DST: variants seen among roughly 807,000 people sequenced by gnomAD.
DST encodes dystonin.
In DST, 253 loss-of-function variants were observed where a neutral mutation model predicts 875.2. That is an observed-to-expected ratio of 0.29 (90% confidence interval 0.26 to 0.32). The LOEUF is 0.32. DST is among the 10% of genes least tolerant of loss of function. DST has a pLI of 1.00. For missense variants in DST, 8,287 were observed against 9,111.6 expected (o/e 0.91, Z 3.68); for synonymous variants, 3,124 against 3,197.1 (o/e 0.98, Z 0.77).
rs561915270 is a variant in DST, at chr6:56,706,045, C to T, written c.688-1676G>A. On this transcript the variant is annotated intron_variant, in intron 5 of 103. Coordinates refer to ENST00000680361, the MANE Select transcript of DST (RefSeq NM_001374736.1). ...TGTAAATACGCCATGCTCAGTGGCTCACACCTGTACTTCCAGCACTTTGGG... is the reference window on the plus strand; with the variant it reads ...TGTAAATACGCCATGCTCAGTGGCTTACACCTGTACTTCCAGCACTTTGGG... Among the ~76,000 whole-genome samples, 10 of 152,328 alleles carry T rather than the reference C, an allele frequency of 6.6e-5. No individual in the cohort carries two copies. The East Asian group carries it at 1.9e-3, about 29-fold the overall frequency.
chr6:56,919,480 AT>A (rs1363888113), intron 2 of DST, among the ~76,000 whole-genome samples: 1 of 152,164 alleles, frequency 6.6e-6, no homozygotes, highest in Non-Finnish European at 1.5e-5. Flanking sequence ...TATTGTATTC[AT>A]TTTTTAATTT....
chr6:56,761,833 C>T (rs2099617936), intron 4 of DST, among the ~76,000 whole-genome samples: 1 of 152,190 alleles, frequency 6.6e-6, no homozygotes, highest in African/African-American at 2.4e-5. Flanking sequence ...ATCACAATCA[C>T]TTTTTACCAA....
At position 56,609,047 on chromosome 6, in the gene DST, G is replaced by C. The variant is rs775037762; in HGVS notation, c.5581C>G (p.Gln1861Glu). ...TTIPVLDALA[Q>E]SMITESMAIK... is the part of the protein sequence containing the mutation. The stretch of plus-strand genomic sequence containing the variant: ...GCCATGGATTCTGTTATCATGCTTT[G>C]AGCTAGAGCATCCAGTACTGGAATT... Residue 1861 changes from glutamine to glutamate, a missense_variant, in exon 40 of 104, where the codon CAA becomes GAA. Around this residue, in one of 10 missense-constraint regions of DST, gnomAD observed 3,138 missense variants for 3,116.6 expected, o/e 1.01. Transcript: ENST00000680361. 6.2e-7 allele frequency: 1 copy of C among 1,613,852 alleles called. No homozygotes were observed. Among genetic ancestry groups the C allele is most frequent in the Non-Finnish European group, 8.5e-7 (1 of 1,179,796 alleles).
chr6:56,543,826 A>C (rs1458614306), intron 61 of DST, among the ~76,000 whole-genome samples: 1 of 152,184 alleles, frequency 6.6e-6, no homozygotes, highest in Non-Finnish European at 1.5e-5. Flanking sequence ...TAATGAGAAA[A>C]CGTTATCTCA....
intron 2 of DST, among the ~76,000 whole-genome samples, chr6:56,915,449 G>A (rs1436943569): frequency 6.6e-6 from 1 of 152,248 alleles, no homozygotes. Flanking sequence ...GAGGTGTGGT[G>A]AGAAAAGAAA....
At position 56,608,661 on chromosome 6, in the gene DST, T is replaced by A. The variant is rs772477708; in HGVS notation, c.5967A>T (p.Ala1989=). The A allele has an allele frequency of 6.2e-7, 1 of 1,613,216 alleles. No individual in the cohort carries two copies. The highest frequency in any genetic ancestry group is 2.2e-5 in the East Asian group (1 of 44,834). ...DRETMFRLLS[A]QLLSGGLINS... ...TGATCAGACCTCCAGAAAGAAGCTG[T>A]GCACTTAACAACCTAAACATGGTTT... Residue 1989 remains alanine (A), a synonymous_variant, in exon 40 of 104, where the codon GCA becomes GCT. Coordinates refer to ENST00000680361, the MANE Select transcript of DST (RefSeq NM_001374736.1).
In DST at chr6:56,553,455, T is replaced by G; in HGVS notation, c.15337A>C (p.Met5113Leu). 1 of 1,612,532 alleles carries G rather than the reference T, an allele frequency of 6.2e-7. No homozygotes were observed. The highest frequency in any genetic ancestry group is 8.5e-7 in the Non-Finnish European group (1 of 1,179,424). Residue 5113 changes from methionine (M) to leucine (L), a missense_variant, in exon 61 of 104, where the codon ATG becomes CTG. Met to Leu is a conservative substitution (Grantham distance 15). This residue lies in a region of DST where 1,513 missense variants were observed against 1,677.8 expected (regional missense o/e 0.90). Coordinates refer to ENST00000680361, the MANE Select transcript of DST (RefSeq NM_001374736.1). ...FSKTLTAQSH[M>L]YEKTIAEGEN... The stretch of plus-strand genomic sequence containing the variant: ...CCTTCTGCAATGGTTTTTTCATACA[T>G]ATGAGACTGAGCGGTCAAAGTTTTA...
chr6:56,780,168 T>G (rs986028087), intron 4 of DST, among the ~76,000 whole-genome samples: 1 of 151,894 alleles, frequency 6.6e-6, no homozygotes, highest in Non-Finnish European at 1.5e-5. Context: ...CTATTGTGAA[T>G]AGTGCCACAA....
chr6:56,670,138 G>C (rs571564616), intron 10 of DST, among the ~76,000 whole-genome samples: 1,067 of 58,686 alleles, frequency 0.018, 10 homozygotes, highest in African/African-American at 0.043. Context: ...CCGTGCGTGT[G>C]TGTGTGTGTG....
chr6:56,807,796 T>C (rs2099754960), intron 4 of DST, among the ~76,000 whole-genome samples: 1 of 152,196 alleles, frequency 6.6e-6, no homozygotes, highest in South Asian at 2.1e-4. Context: ...TGTAGCTGCA[T>C]ATCTTTATAA....
chr6:56,742,216 T>C, intron 4 of DST: 2 of 1,144,628 alleles, frequency 1.7e-6, no homozygotes, highest in Non-Finnish European at 2.3e-6. Context: ...GTAGTGCAAC[T>C]TTCCCTTCCC....
intron 5 of DST, among the ~76,000 whole-genome samples, chr6:56,726,117 C>G (rs2099455828): frequency 6.6e-6 from 1 of 152,170 alleles, no homozygotes; most frequent in Non-Finnish European, 1.5e-5. Context: ...AGTCAGCCCT[C>G]TTTTAAATGT....
chr6:56,954,335 G>T, intron 1 of DST, 72 bp downstream of exon 1: 1 of 1,180,072 alleles, frequency 8.5e-7, no homozygotes, highest in East Asian at 5.6e-5. Flanking sequence ...AAGGGAGCGA[G>T]CCGCGCTTCA....
intron 4 of DST, among the ~76,000 whole-genome samples, chr6:56,840,087 A>G (rs1329274619): frequency 1.3e-5 from 2 of 152,240 alleles, no homozygotes; most frequent in African/African-American, 4.8e-5. Context: ...TAAGGTATAG[A>G]ATGAAATGTA....
intron 5 of DST, among the ~76,000 whole-genome samples, chr6:56,717,925 T>C (rs1030389686): frequency 3.3e-5 from 5 of 152,134 alleles, no homozygotes; most frequent in African/African-American, 1.2e-4. Flanking sequence ...AACTCTTCTA[T>C]TGCAATTCCC....
chr6:56,496,083 C>A (rs190647262), intron 82 of DST, among the ~76,000 whole-genome samples: 123 of 152,144 alleles, frequency 8.1e-4, no homozygotes, highest in Non-Finnish European at 1.5e-3. Context: ...TAATAATCAT[C>A]AGTATTTGAA....
chr6:56,605,830 G>T lies in DST; in HGVS notation c.8798C>A (p.Thr2933Asn). The change falls in exon 40 of 104, where the codon ACT becomes AAT. Residue 2933 changes from threonine to asparagine, a missense_variant. Transcript: ENST00000680361. ...ATGTGAAATACTTGCAGGGCCAAAA[G>T]TTTTTTCAGATTCAGTGTCTTTAAT... ...PIIKDTESEKTFGPASISHDN... is the reference protein window; with the variant it reads ...PIIKDTESEKNFGPASISHDN... 6.2e-7 allele frequency: 1 copy of T among 1,612,358 alleles called. No homozygotes were observed. The highest frequency in any genetic ancestry group is 8.5e-7 in the Non-Finnish European group (1 of 1,179,142).
chr6:56,486,620 G>T (rs989272143), intron 87 of DST, among the ~76,000 whole-genome samples: 1 of 152,128 alleles, frequency 6.6e-6, no homozygotes, highest in African/African-American at 2.4e-5. Context: ...AGGGAGATCA[G>T]AAAGGGGTAG....
At position 56,479,681 on chromosome 6, in the gene DST, A is replaced by G. The variant is rs368057506; in HGVS notation, c.21532-2193T>C. Among the ~76,000 whole-genome samples the G allele has an allele frequency of 8.5e-5, 13 of 152,348 alleles. No individual in the cohort carries two copies. In the East Asian group the frequency reaches 2.5e-3, roughly 29 times the overall value. On this transcript the variant is annotated intron_variant, in intron 90 of 103. Transcript: ENST00000680361. ...CTAAGTGAAGTAACTCAAACAGAAA[A>G]TCAAATATCACACGTTCTCATGTAT...
Sources: gnomAD v4.1 joint callset for allele counts (sites outside exome capture counted in the v4.1 genomes callset) on GRCh38, gnomAD v4.1.1 for gene constraint, gnomAD v4.1.1 regional missense constraint, MANE v1.5 for transcripts, NCBI Gene and HGNC (gene_info 2026-07-23, HGNC 2026-07-21) for gene names.